F13A1: variants seen among roughly 807,000 people sequenced by gnomAD.
The protein encoded by F13A1 is FSF, A subunit.
In F13A1, 47 loss-of-function variants were observed where a neutral mutation model predicts 80.1. The ratio of observed to expected loss-of-function variants is 0.59; its 90% CI spans 0.46 to 0.75. The LOEUF (loss-of-function observed/expected upper bound fraction) is 0.75. Among genes scored for constraint, F13A1 ranks in the 30% least tolerant of loss-of-function variants. F13A1 has a pLI of 0.00. For synonymous variants in F13A1, 349 were observed against 344.9 expected (o/e 1.01, Z -0.13); for missense variants, 817 against 930.4 (o/e 0.88, Z 1.59).
At chr6:6,305,688 A>G (rs1316847154) in intron 2 of F13A1, 149 bp from the exon 3 acceptor site, 2 of 702,758 alleles carry the variant, frequency 2.8e-6, no homozygotes, top group Non-Finnish European at 4.9e-6. Context: ...AGGGGAACAC[A>G]GTCTCGAGAG....
chr6:6,212,407 C>T (rs1266797032), intron 8 of F13A1, among the ~76,000 whole-genome samples: 1 of 152,200 alleles, frequency 6.6e-6, no homozygotes, highest in Non-Finnish European at 1.5e-5. Context: ...AGGCACCCCC[C>T]AGCAGGGGCA....
intron 8 of F13A1, among the ~76,000 whole-genome samples, chr6:6,212,579 A>G (rs1482452851): frequency 6.6e-6 from 1 of 152,242 alleles, no homozygotes; most frequent in African/African-American, 2.4e-5. Flanking sequence ...AAGATGGGGA[A>G]AAAACAGAGC....
At chr6:6,258,357 A>G (rs1249107382) in intron 4 of F13A1, among the ~76,000 whole-genome samples, 1 of 152,226 alleles carries the variant, frequency 6.6e-6, no homozygotes, top group East Asian at 1.9e-4. Context: ...CATTGACTCA[A>G]TTCCAGGCAC....
chr6:6,210,997 C>G (rs558698589), intron 8 of F13A1, among the ~76,000 whole-genome samples: 1 of 152,298 alleles, frequency 6.6e-6, no homozygotes, highest in East Asian at 1.9e-4. Flanking sequence ...TCCCAAAGTG[C>G]TGGGATTATA....
At chr6:6,213,791 G>A (rs879620268) in intron 8 of F13A1, among the ~76,000 whole-genome samples, 286 of 141,264 alleles carry the variant, frequency 2.0e-3, no homozygotes, top group African/African-American at 6.6e-3. Context: ...CCCATCTCAC[G>A]TGCAGAGACA....
intron 11 of F13A1, among the ~76,000 whole-genome samples, chr6:6,180,042 G>A (rs1263738147): frequency 6.6e-6 from 1 of 152,198 alleles, no homozygotes; most frequent in Non-Finnish European, 1.5e-5. Context: ...GTTTCCAAGA[G>A]ACATCTGTCA....
chr6:6,275,816 C>T (rs1174770711), intron 3 of F13A1, among the ~76,000 whole-genome samples: 5 of 152,194 alleles, frequency 3.3e-5, no homozygotes, highest in Non-Finnish European at 7.3e-5. Context: ...TTGTTAACTG[C>T]GATACAAATT....
intron 8 of F13A1, 81 bp downstream of exon 8, chr6:6,221,952 T>C: frequency 6.7e-7 from 1 of 1,501,816 alleles, no homozygotes. Context: ...AACAGAAACA[T>C]CAGATTGAGT....
chr6:6,174,851 T>C lies in F13A1; in HGVS notation c.1476A>G (p.Arg492=), dbSNP rs768496684. 2.5e-6 allele frequency: 4 copies of C among 1,614,056 alleles called. No homozygotes were observed. The highest frequency in any genetic ancestry group is 3.3e-4 in the Middle Eastern group (2 of 6,084). Residue 492 remains arginine, a synonymous_variant, in exon 12 of 15, where the codon AGA becomes AGG. Coordinates refer to ENST00000264870, the MANE Select transcript of F13A1 (RefSeq NM_000129.4). ...YKFQEGQEEE[R]LALETALMYG... ...ACATCAGGGCAGTTTCTAGGGCCAA[T>C]CTCTCTTCTTCTTGACCTGGGGGAG...
At position 6,222,019 on chromosome 6, in the gene F13A1, T is replaced by C; in HGVS notation, c.1112+14A>G. On this transcript the variant is annotated intron_variant, in intron 8 of 14. Coordinates refer to ENST00000264870, the MANE Select transcript of F13A1 (RefSeq NM_000129.4). ...AATGTGACATCAGCCAATGCCATTG[T>C]CAATCAAACTCACCACACTGAATCC... is the stretch of plus-strand genomic sequence containing the variant. 1 of 1,613,478 alleles carries C rather than the reference T, an allele frequency of 6.2e-7. No individual in the cohort carries two copies.
intron 3 of F13A1, among the ~76,000 whole-genome samples, chr6:6,300,301 G>T (rs575894353): frequency 6.6e-6 from 1 of 150,856 alleles, no homozygotes; most frequent in East Asian, 2.0e-4. Flanking sequence ...CTTTGTTTCA[G>T]TAAGCAAGCC....
intron 7 of F13A1, among the ~76,000 whole-genome samples, chr6:6,223,296 C>T (rs1002842315): frequency 3.3e-5 from 5 of 152,276 alleles, no homozygotes; most frequent in Non-Finnish European, 7.3e-5. Context: ...AAGACACGAA[C>T]GGATGTAAGG....
intron 11 of F13A1, 48 bp downstream of exon 11, chr6:6,181,940 C>A: frequency 6.2e-7 from 1 of 1,603,406 alleles, no homozygotes; most frequent in Non-Finnish European, 8.5e-7. Flanking sequence ...TGAATAAGTA[C>A]TCAATGGACT....
intron 3 of F13A1, among the ~76,000 whole-genome samples, chr6:6,275,474 ATTCTCC>A (rs1757975978): frequency 6.6e-6 from 1 of 152,016 alleles, no homozygotes; most frequent in Non-Finnish European, 1.5e-5. Flanking sequence ...GGTTCAAGCG[ATTCTCC>A]TGCCTCAGCC....
intron 8 of F13A1, among the ~76,000 whole-genome samples, chr6:6,201,282 A>C (rs7746985): frequency 0.14 from 21,079 of 152,238 alleles, 1,639 homozygotes; most frequent in Middle Eastern, 0.2. Context: ...TCTCACTCTG[A>C]CATCTAATTA....
chr6:6,190,182 G>A, intron 10 of F13A1, among the ~76,000 whole-genome samples: 2 of 151,934 alleles, frequency 1.3e-5, no homozygotes, highest in East Asian at 1.9e-4. Context: ...TCCTCCCGTA[G>A]CTCAGAGTAA....
intron 8 of F13A1, among the ~76,000 whole-genome samples, chr6:6,207,188 A>C (rs1761504298): frequency 6.6e-6 from 1 of 152,206 alleles, no homozygotes; most frequent in Non-Finnish European, 1.5e-5. Context: ...CTTAAAAACC[A>C]GTAGCCTCAG....
intron 3 of F13A1, among the ~76,000 whole-genome samples, chr6:6,283,859 A>T (rs1758099819): frequency 6.6e-6 from 1 of 152,224 alleles, no homozygotes; most frequent in Admixed American, 6.5e-5. Flanking sequence ...CCCCTCAAGA[A>T]GCATCAGCTG....
chr6:6,187,682 TC>T (rs1327173473), intron 10 of F13A1, among the ~76,000 whole-genome samples: 72 of 63,534 alleles, frequency 1.1e-3, no homozygotes, highest in African/African-American at 5.6e-3. Flanking sequence ...TCTAAAATTC[TC>T]TTTTTTTTGT....
Sources: gnomAD v4.1 joint callset for allele counts (sites outside exome capture counted in the v4.1 genomes callset) on GRCh38, gnomAD v4.1.1 for gene constraint, MANE v1.5 for transcripts, NCBI Gene and HGNC (gene_info 2026-07-23, HGNC 2026-07-21) for gene names.